Variants in SP140 observed in about 807,000 individuals in gnomAD.
SP140 encodes the protein SP140 nuclear body protein.
SP140 carries 81 observed loss-of-function variants against 125.0 expected under a neutral mutation model. The observed-to-expected ratio is 0.65, with a 90% CI of 0.54 to 0.78. SP140 has a LOEUF of 0.78. SP140 is among the 30% of genes least tolerant of loss of function. The probability of loss-of-function intolerance (pLI) is 0.00; values close to 1 mark genes in which losing one functional copy is unlikely to be tolerated. For synonymous variants in SP140, 312 were observed against 354.0 expected (o/e 0.88, Z 1.33); for missense variants, 858 against 1,037.0 (o/e 0.83, Z 2.37).
chr2:230,213,169 G>A, intron 1 of SP140: 1 of 805,518 alleles, frequency 1.2e-6, no homozygotes, highest in Non-Finnish European at 2.1e-6. Flanking sequence ...CTGATTCATT[G>A]TCATCATTAT....
At chr2:230,269,815 A>G (rs1243141755) in intron 13 of SP140, 22 bp from the exon 14 acceptor site, 1 of 1,574,600 alleles carries the variant, frequency 6.4e-7, no homozygotes, top group East Asian at 2.2e-5. Context: ...GAAAGTCTTC[A>G]TGAATCACAA....
intron 19 of SP140, among the ~76,000 whole-genome samples, chr2:230,291,434 G>A (rs1165546384): frequency 1.3e-5 from 2 of 152,180 alleles, no homozygotes; most frequent in Non-Finnish European, 2.9e-5. Context: ...AGCAGTCAGT[G>A]CCTATTCCCA....
rs41309100 is a variant in SP140 at position 230,211,346 on chromosome 2, G to A, written c.-322-2308G>A. ...AAGCTCCCAAGTGCTGGGTGAACTG[G>A]AAGCTGGGCCAAGATTGCTGAGAGG... On this transcript the variant is annotated intron_variant, in intron 1 of 4. Transcript: ENST00000456542. This position sits in a 1 kb window ranked among gnomAD's most constrained non-coding sequence, Gnocchi z 4.2. The A allele has an allele frequency of 3.9e-3, 2,923 of 742,820 alleles. 12 individuals are homozygous for A. Among genetic ancestry groups the A allele is most frequent in the Non-Finnish European group, 6.2e-3 (2,519 of 408,832 alleles). 46.0% of individuals were successfully genotyped at this position (742,820 alleles called of 1,614,324 possible).
chr2:230,244,413 G>A (rs1001453029), intron 5 of SP140, among the ~76,000 whole-genome samples: 50 of 152,172 alleles, frequency 3.3e-4, no homozygotes, highest in Non-Finnish European at 6.5e-4. Flanking sequence ...GACTCACTGC[G>A]GTGATGGTTG....
At chr2:230,233,106 T>G (rs2047487974) in intron 1 of SP140, among the ~76,000 whole-genome samples, 1 of 152,178 alleles carries the variant, frequency 6.6e-6, no homozygotes, top group South Asian at 2.1e-4. Flanking sequence ...TTTATGCCTC[T>G]TTATTTTCTA....
chr2:230,218,338 G>A (rs905811911), intron 3 of SP140, among the ~76,000 whole-genome samples: 8 of 151,914 alleles, frequency 5.3e-5, no homozygotes, highest in Non-Finnish European at 8.8e-5. Flanking sequence ...TAACTTGGCA[G>A]AAAAAAATAC....
chr2:230,206,604 T>TATATATATATATATATATAC (rs2043862814), intron 1 of SP140, among the ~76,000 whole-genome samples: 1 of 44,412 alleles, frequency 2.3e-5, no homozygotes, highest in Non-Finnish European at 4.1e-5. Context: ...TTTATATATA[T>TATATATATATATATATATAC]ATATATATAT....
At chr2:230,283,322 T>A (rs1416715009) in intron 15 of SP140, among the ~76,000 whole-genome samples, 2 of 152,242 alleles carry the variant, frequency 1.3e-5, no homozygotes, top group Non-Finnish European at 2.9e-5. Flanking sequence ...CCAGTGGCTG[T>A]ACCTTCATCT....
intron 22 of SP140, among the ~76,000 whole-genome samples, chr2:230,304,163 A>G (rs2058551322): frequency 6.6e-6 from 1 of 152,210 alleles, no homozygotes; most frequent in African/African-American, 2.4e-5. Flanking sequence ...ACTAGCTGCA[A>G]AAAAATAAAA....
intron 22 of SP140, among the ~76,000 whole-genome samples, chr2:230,304,287 G>A (rs9653377): frequency 0.011 from 1,680 of 152,230 alleles, 32 homozygotes; most frequent in African/African-American, 0.037. Flanking sequence ...TCCTATGCTC[G>A]TGGATGGGTA....
chr2:230,263,178 T>C (rs1359946319), intron 12 of SP140, among the ~76,000 whole-genome samples: 3 of 152,218 alleles, frequency 2.0e-5, no homozygotes, highest in Non-Finnish European at 4.4e-5. Flanking sequence ...TGTCGTATTT[T>C]CCTGTTGGAC....
At chr2:230,212,503 C>T (rs2044604381) in intron 1 of SP140, 1 of 1,264,882 alleles carries the variant, frequency 7.9e-7, no homozygotes, top group Non-Finnish European at 1.2e-6. Context: ...GTTAAAAGTG[C>T]CTGGGGCAGA....
chr2:230,199,983 T>G (rs2043059191), upstream of SP140, among the ~76,000 whole-genome samples: 1 of 152,180 alleles, frequency 6.6e-6, no homozygotes, highest in Non-Finnish European at 1.5e-5. Context: ...TTTCCATATC[T>G]TAATTTCCTC....
rs562587299 is a variant in SP140 at position 230,294,255 on chromosome 2, T to C, written c.1969-16T>C. The C allele has an allele frequency of 1.2e-6, 2 of 1,611,422 alleles. No individual in the cohort carries two copies. Among genetic ancestry groups the C allele is most frequent in the Non-Finnish European group, 1.7e-6 (2 of 1,177,604 alleles). On this transcript the variant is annotated splice_polypyrimidine_tract_variant and intron_variant, in intron 20 of 26. Coordinates refer to ENST00000392045, the MANE Select transcript of SP140 (RefSeq NM_007237.5). ...AACACAGGCTGACCATATACCTGAA[T>C]CTTTTTGTCTTTCAGAATGGATTTC...
At chr2:230,208,061 TA>T (rs1432532261) in intron 1 of SP140, 15 of 1,468,600 alleles carry the variant, frequency 1.0e-5, no homozygotes, top group Non-Finnish European at 1.4e-5. Context: ...TTTTCTTTCC[TA>T]AAAAGAAAGG....
chr2:230,191,824 C>T, the SP140 span, among the ~76,000 whole-genome samples: 1 of 151,606 alleles, frequency 6.6e-6, no homozygotes, highest in Non-Finnish European at 1.5e-5. Flanking sequence ...GGAAGAGACA[C>T]AACAAAAAAA....
At chr2:230,236,923 C>G (rs1288777492) in intron 1 of SP140, among the ~76,000 whole-genome samples, 160 bp from the exon 2 acceptor site, 1 of 152,062 alleles carries the variant, frequency 6.6e-6, no homozygotes, top group Non-Finnish European at 1.5e-5. Flanking sequence ...TGATTTTTCC[C>G]AAAATAAATA....
chr2:230,314,037 T>C (rs892438461), downstream of SP140, among the ~76,000 whole-genome samples: 1 of 152,200 alleles, frequency 6.6e-6, no homozygotes, highest in Non-Finnish European at 1.5e-5. Flanking sequence ...CAGCAAGGAA[T>C]GCCTATTACA....
chr2:230,255,078 A>AT (rs2050945933), intron 11 of SP140, among the ~76,000 whole-genome samples: 1 of 152,166 alleles, frequency 6.6e-6, no homozygotes, highest in Non-Finnish European at 1.5e-5. Context: ...TCAGGGGTGC[A>AT]AGAGAAAAGG....
Sources: gnomAD v4.1 joint callset for allele counts (sites outside exome capture counted in the v4.1 genomes callset) on GRCh38, gnomAD v4.1.1 for gene constraint, Gnocchi (gnomAD v3.1) non-coding constraint, MANE v1.5 for transcripts, NCBI Gene and HGNC (gene_info 2026-07-23, HGNC 2026-07-21) for gene names.